TEF: variants seen among roughly 807,000 people sequenced by gnomAD.
TEF encodes thyrotroph embryonic factor.
A neutral mutation model predicts 20.8 loss-of-function variants in TEF; 3 were observed. The observed-to-expected ratio is 0.14, with a 90% confidence interval of 0.07 to 0.37. The LOEUF is 0.37. Among genes scored for constraint, TEF ranks in the 10% least tolerant of loss-of-function variants. The pLI, the probability that TEF is intolerant of heterozygous loss-of-function variation, is 1.00. For missense variants in TEF, 296 were observed against 397.9 expected (o/e 0.74, Z 2.18); for synonymous variants, 180 against 171.1 (o/e 1.05, Z -0.41).
chr22:41,395,295 C>T (rs2037213990), intron 3 of TEF, among the ~76,000 whole-genome samples: 1 of 152,116 alleles, frequency 6.6e-6, no homozygotes, highest in Admixed American at 6.6e-5. Flanking sequence ...TGTGAGCCAC[C>T]ATGCCTGGCC....
intron 1 of TEF, among the ~76,000 whole-genome samples, chr22:41,370,606 T>G (rs781282580): frequency 6.6e-6 from 1 of 151,858 alleles, no homozygotes; most frequent in Admixed American, 6.6e-5. Context: ...AGAGACAGGT[T>G]TCACCATGTT....
intron 2 of TEF, among the ~76,000 whole-genome samples, chr22:41,393,025 A>T (rs1203087338): frequency 6.6e-6 from 1 of 151,304 alleles, no homozygotes; most frequent in African/African-American, 2.4e-5. Context: ...ACAGAGCAAG[A>T]CTCAGTCTCA....
At chr22:41,367,603 G>C in intron 1 of TEF, 1 of 1,551,190 alleles carries the variant, frequency 6.4e-7, no homozygotes, top group Non-Finnish European at 8.7e-7. Flanking sequence ...AGAACAGGTA[G>C]GAGCACAGGT....
chr22:41,374,842 G>A (rs2036921553), intron 1 of TEF, among the ~76,000 whole-genome samples: 1 of 152,176 alleles, frequency 6.6e-6, no homozygotes, highest in African/African-American at 2.4e-5. Context: ...AGGAAGAAGA[G>A]GGGTTGATCT....
intron 1 of TEF, among the ~76,000 whole-genome samples, chr22:41,376,305 C>T (rs1360446480): frequency 2.0e-5 from 3 of 152,202 alleles, no homozygotes; most frequent in African/African-American, 2.4e-5. Context: ...GGCGCAATCT[C>T]GGCTCACCGC....
chr22:41,381,914 G>A (rs1413512579), upstream of TEF: 3 of 1,226,262 alleles, frequency 2.4e-6, no homozygotes, highest in Middle Eastern at 3.1e-4. Context: ...AGCGATGGAA[G>A]GAGGCGGGGG....
chr22:41,375,075 C>G, intron 1 of TEF, among the ~76,000 whole-genome samples: 1 of 152,202 alleles, frequency 6.6e-6, no homozygotes, highest in Admixed American at 6.5e-5. Context: ...GAAACCGTGG[C>G]TATCTGGTAG....
chr22:41,395,812 G>A lies in TEF; in HGVS notation c.764G>A (p.Arg255His), dbSNP rs2037220563. Residue 255 changes from arginine (R) to histidine (H), a missense_variant, in exon 4 of 4, where the codon CGC (arginine) becomes CAC (histidine). By Grantham distance (29) the Arg-to-His change is conservative. This residue lies in a region of TEF where 194 missense variants were observed against 317.8 expected (regional missense o/e 0.61). Transcript: ENST00000266304. ...GCTAAACGGTCACGGGATGCCCGGCGCCTGAAAGAGAATCAGATCACCATC... is the reference window on the plus strand; with the variant it reads ...GCTAAACGGTCACGGGATGCCCGGCACCTGAAAGAGAATCAGATCACCATC... ...VAAKRSRDAR[R>H]LKENQITIRA... 2 of 1,614,164 alleles carry A rather than the reference G, an allele frequency of 1.2e-6. No individual in the cohort carries two copies. Among genetic ancestry groups the A allele is most frequent in the African/African-American group, 1.3e-5 (1 of 75,050 alleles).
At chr22:41,382,270 CGGGGCCGGGGAGGCAGTGG>C in intron 1 of TEF, 69 bp downstream of exon 1, 2 of 185,268 alleles carry the variant, frequency 1.1e-5, no homozygotes, top group Non-Finnish European at 1.5e-5. Flanking sequence ...CTCGTGAGGG[CGGGGCCGGGGAGGCAGTGG>C]GTCAGGGAGC....
chr22:41,394,411 C>G (rs1010066645), intron 3 of TEF, 95 bp downstream of exon 3: 2 of 1,203,886 alleles, frequency 1.7e-6, no homozygotes, highest in African/African-American at 1.5e-5. Flanking sequence ...GAGAGCCTTC[C>G]CTCCTTGTGA....
chr22:41,374,606 C>T (rs991251064), intron 1 of TEF, among the ~76,000 whole-genome samples: 2 of 151,088 alleles, frequency 1.3e-5, no homozygotes, highest in Non-Finnish European at 2.9e-5. Context: ...ATCCGAGCTA[C>T]TCTGGAGGCT....
At chr22:41,391,904 C>T (rs761496588) in intron 2 of TEF, among the ~76,000 whole-genome samples, 1 of 152,068 alleles carries the variant, frequency 6.6e-6, no homozygotes, top group African/African-American at 2.4e-5. Flanking sequence ...TACAGGTGTG[C>T]ACCACCACGC....
At chr22:41,394,061 G>A in intron 2 of TEF, 35 bp from the exon 3 acceptor site, 1 of 1,599,226 alleles carries the variant, frequency 6.3e-7, no homozygotes, top group East Asian at 2.2e-5. Context: ...TGTCCAGTGG[G>A]CTGCTTCGGG....
At chr22:41,391,067 G>T (rs1305760591) in intron 2 of TEF, among the ~76,000 whole-genome samples, 2 of 152,086 alleles carry the variant, frequency 1.3e-5, no homozygotes, top group African/African-American at 4.8e-5. Flanking sequence ...ACTGCCTACA[G>T]TTACCATGTG....
chr22:41,381,938 C>T (rs193056197), upstream of TEF: 21,184 of 1,226,178 alleles, frequency 0.017, 196 homozygotes, highest in Non-Finnish European at 0.02. Context: ...CATTGGGCGC[C>T]TGCGCAGTAG....
intron 1 of TEF, chr22:41,369,911 T>C (rs957160095): frequency 8.4e-5 from 83 of 985,270 alleles, no homozygotes; most frequent in Non-Finnish European, 9.4e-5. Flanking sequence ...TGGATGACTG[T>C]TTACAAACTC....
chr22:41,373,540 G>A (rs2036906660), intron 1 of TEF, among the ~76,000 whole-genome samples: 1 of 151,926 alleles, frequency 6.6e-6, no homozygotes, highest in Non-Finnish European at 1.5e-5. Flanking sequence ...CGTGATCTAG[G>A]CTCATTGCAA....
At chr22:41,383,666 C>G (rs1172017509) in intron 1 of TEF, among the ~76,000 whole-genome samples, 1 of 152,216 alleles carries the variant, frequency 6.6e-6, no homozygotes, top group Non-Finnish European at 1.5e-5. Context: ...GTTGCATGAC[C>G]TGAGTGATGG....
chr22:41,370,155 G>C lies in TEF; in HGVS notation c.67+2556G>C, dbSNP rs558349155. ...TTTGAGATAAGAGTCTTGCTCTATC[G>C]CCAGGCTGGAGTGCAGTGGTGCTAT... On this transcript the variant is annotated intron_variant, in intron 1 of 3. Coordinates refer to the TEF transcript ENST00000406644. 2,088 of 954,736 alleles carry C rather than the reference G, an allele frequency of 2.2e-3. 5 individuals are homozygous for C. The highest frequency in any genetic ancestry group is 2.5e-3 in the Non-Finnish European group (1,994 of 804,174). The allele number at this position is 954,736 out of a possible 1,614,324, so 59.1% of individuals were successfully genotyped here. A position where few individuals can be genotyped will look rare whatever the true frequency, so the allele number is the denominator to read the frequency against.
Sources: allele counts gnomAD v4.1 joint callset (sites outside exome capture counted in the v4.1 genomes callset), GRCh38; gene constraint gnomAD v4.1.1; regional missense constraint gnomAD v4.1.1; transcripts MANE v1.5; gene names NCBI Gene and HGNC (gene_info 2026-07-23, HGNC 2026-07-21).